The following DCC variants were observed in gnomAD, a reference collection of about 807,000 sequenced individuals.
The protein encoded by DCC is netrin receptor DCC.
DCC carries 58 observed loss-of-function variants against 172.5 expected under a neutral mutation model. The observed-to-expected ratio is 0.34, with a 90% CI of 0.27 to 0.42. The LOEUF (loss-of-function observed/expected upper bound fraction) is 0.42. Among genes scored for constraint, DCC ranks in the 10% least tolerant of loss-of-function variants. The pLI is 1.00. For synonymous variants in DCC, 709 were observed against 644.5 expected, an observed-to-expected ratio of 1.10 and a Z score of -1.52; for missense variants, 1,740 against 1,791.0, an observed-to-expected ratio of 0.97 and a Z score of 0.51.
chr18:53,264,358 C>A (rs1034471361), intron 12 of DCC, among the ~76,000 whole-genome samples: 1 of 151,414 alleles, frequency 6.6e-6, no homozygotes, highest in Non-Finnish European at 1.5e-5. Context: ...GTGGTGGCGG[C>A]TGCGTGTAAT....
At chr18:53,348,949 C>T (rs2057755961) in intron 15 of DCC, among the ~76,000 whole-genome samples, 1 of 152,158 alleles carries the variant, frequency 6.6e-6, no homozygotes, top group African/African-American at 2.4e-5. Context: ...ACATTTTCTC[C>T]ATTGTGTTGG....
rs548284863 is a variant in DCC at position 52,514,338 on chromosome 18, G to A, written c.91+173460G>A. 5.5e-4 allele frequency among the ~76,000 whole-genome samples: 83 copies of A among 152,174 alleles called. 3 individuals are homozygous for A. The South Asian group carries it at 0.017, about 30-fold the overall frequency. On this transcript the variant is annotated intron_variant, in intron 1 of 28. Transcript: ENST00000442544. The stretch of plus-strand genomic sequence containing the variant: ...CATGGTTTTTTTTATTGATATTTGA[G>A]GCCAGATAATGCTTTCCTGTGAGGT...
intron 1 of DCC, among the ~76,000 whole-genome samples, chr18:52,459,897 A>G (rs1988577902): frequency 6.7e-6 from 1 of 149,812 alleles, no homozygotes; most frequent in South Asian, 2.1e-4. Flanking sequence ...ATATATATAT[A>G]TACACACATA....
rs1009090471 is a variant in DCC at position 53,215,703 on chromosome 18, T to C, written c.1911+106T>C. 4.5e-6 allele frequency: 4 copies of C among 883,642 alleles called. No individual in the cohort carries two copies. In the African/African-American group the frequency reaches 6.5e-5, roughly 14 times the overall value. 54.7% of individuals were successfully genotyped at this position (883,642 alleles called of 1,614,324 possible). On this transcript the variant is annotated intron_variant, in intron 12 of 28. Coordinates refer to ENST00000442544, the MANE Select transcript of DCC (RefSeq NM_005215.4). Reference sequence around the variant, plus strand: ...CTTGAGTACAGGATAGTGGCTTCCATGTGCAGAAATGTTCTGGAACAACAC... The same window carrying C: ...CTTGAGTACAGGATAGTGGCTTCCACGTGCAGAAATGTTCTGGAACAACAC...
chr18:52,994,870 A>C (rs1319324547), intron 5 of DCC, among the ~76,000 whole-genome samples: 1 of 152,158 alleles, frequency 6.6e-6, no homozygotes, highest in African/African-American at 2.4e-5. Flanking sequence ...GGTTAAAGAC[A>C]TCTTGAGATT....
At chr18:53,024,746 GGTAA>G (rs1455129881) in intron 5 of DCC, among the ~76,000 whole-genome samples, 1 of 152,070 alleles carries the variant, frequency 6.6e-6, no homozygotes, top group Admixed American at 6.6e-5. Context: ...TTGTAAAATA[GGTAA>G]GTATTAGCAA....
intron 7 of DCC, among the ~76,000 whole-genome samples, chr18:53,101,842 CGTGT>C (rs2043177966): frequency 8.6e-5 from 4 of 46,452 alleles, no homozygotes; most frequent in South Asian, 4.5e-4. Flanking sequence ...TGTGTGTGTG[CGTGT>C]GCGTGTGAGT....
At chr18:53,219,260 G>T (rs1414445348) in intron 12 of DCC, among the ~76,000 whole-genome samples, 5 of 152,106 alleles carry the variant, frequency 3.3e-5, no homozygotes, top group Non-Finnish European at 7.4e-5. Context: ...GAGCTGGATA[G>T]AGAATCTCTA....
chr18:52,436,461 C>T (rs1987797834), intron 1 of DCC, among the ~76,000 whole-genome samples: 1 of 152,218 alleles, frequency 6.6e-6, no homozygotes, highest in Non-Finnish European at 1.5e-5. Flanking sequence ...GTGGCATTAG[C>T]ATCACCTGGA....
chr18:53,475,770 G>A (rs952947151), intron 25 of DCC, among the ~76,000 whole-genome samples: 1 of 152,200 alleles, frequency 6.6e-6, no homozygotes, highest in Admixed American at 6.5e-5. Context: ...TCACCATCTA[G>A]TGGAGCTGTG....
rs1050782918 is a variant in DCC, at chr18:52,767,124, G to A, written c.412+14750G>A. On this transcript the variant is annotated intron_variant, in intron 2 of 28. Coordinates refer to ENST00000442544, the MANE Select transcript of DCC (RefSeq NM_005215.4). ...CTAGGTGGGCCCTCTGCAAACATAC[G>A]AGATTATATTTATCTTTTTAAAGTT... 2.0e-5 allele frequency among the ~76,000 whole-genome samples: 3 copies of A among 149,466 alleles called. No homozygotes were observed. In the East Asian group the frequency reaches 5.8e-4, roughly 29 times the overall value.
intron 5 of DCC, among the ~76,000 whole-genome samples, chr18:52,977,965 T>C (rs149385640): frequency 7.9e-5 from 12 of 152,146 alleles, no homozygotes; most frequent in African/African-American, 2.9e-4. Context: ...TCTTTTGTCT[T>C]TTGATTTAAA....
intron 2 of DCC, among the ~76,000 whole-genome samples, chr18:52,886,666 G>C (rs1169773122): frequency 2.6e-5 from 4 of 152,070 alleles, no homozygotes; most frequent in Non-Finnish European, 4.4e-5. Context: ...GCTGGGAAAA[G>C]GGGGAGGGAT....
At chr18:52,542,128 A>G (rs1286140344) in intron 1 of DCC, among the ~76,000 whole-genome samples, 1 of 151,372 alleles carries the variant, frequency 6.6e-6, no homozygotes, top group Non-Finnish European at 1.5e-5. Flanking sequence ...GTTATATTCA[A>G]TTAGCTCCTG....
chr18:53,150,802 A>G (rs1022194538), intron 7 of DCC, among the ~76,000 whole-genome samples: 2 of 152,214 alleles, frequency 1.3e-5, no homozygotes, highest in African/African-American at 4.8e-5. Context: ...AGCATGGAGA[A>G]CTGAGAGGTA....
chr18:52,889,955 T>C (rs1185190645), intron 2 of DCC, among the ~76,000 whole-genome samples: 1 of 152,128 alleles, frequency 6.6e-6, no homozygotes, highest in Non-Finnish European at 1.5e-5. Context: ...GTTTTTACTA[T>C]GCAAGACAGT....
intron 1 of DCC, among the ~76,000 whole-genome samples, chr18:52,545,070 C>T (rs563707579): frequency 5.3e-5 from 8 of 152,166 alleles, no homozygotes; most frequent in East Asian, 1.9e-4. Context: ...AAGAAACCAA[C>T]GGAACATCCA....
At chr18:53,334,584 C>T (rs148927394) in intron 14 of DCC, among the ~76,000 whole-genome samples, 1 of 152,130 alleles carries the variant, frequency 6.6e-6, no homozygotes, top group Non-Finnish European at 1.5e-5. Flanking sequence ...TAACTGCCAA[C>T]CTCCCCAACC....
At chr18:52,532,880 T>C (rs1173359812) in intron 1 of DCC, among the ~76,000 whole-genome samples, 1 of 152,084 alleles carries the variant, frequency 6.6e-6, no homozygotes, top group African/African-American at 2.4e-5. Flanking sequence ...CCATCACTGC[T>C]ATCTAATTGC....
Sources: gnomAD v4.1 joint callset for allele counts (sites outside exome capture counted in the v4.1 genomes callset) on GRCh38, gnomAD v4.1.1 for gene constraint, MANE v1.5 for transcripts, NCBI Gene and HGNC (gene_info 2026-07-23, HGNC 2026-07-21) for gene names.